The following TNKS2 variants were observed in gnomAD, a reference collection of about 807,000 sequenced individuals.
The protein encoded by TNKS2 is poly [ADP-ribose] polymerase tankyrase-2.
In TNKS2, 72 loss-of-function variants were observed where a neutral mutation model predicts 137.6. The ratio of observed to expected loss-of-function variants is 0.52; its 90% confidence interval spans 0.43 to 0.64. The LOEUF (loss-of-function observed/expected upper bound fraction) is 0.64, where lower values mean the gene tolerates loss of function less well. Among genes scored for constraint, TNKS2 ranks in the 30% least tolerant of loss-of-function variants. TNKS2 has a pLI of 0.00. For synonymous variants in TNKS2, 516 were observed against 512.1 expected, an observed-to-expected ratio of 1.01 and a Z score of -0.10; for missense variants, 1,049 against 1,410.2, an observed-to-expected ratio of 0.74 and a Z score of 4.10.
Position 91,827,002 on chromosome 10 carries a change from C to A in TNKS2, c.796-15C>A. The A allele has an allele frequency of 6.6e-7, 1 of 1,509,684 alleles. No individual in the cohort carries two copies. The highest frequency in any genetic ancestry group is 8.9e-7 in the Non-Finnish European group (1 of 1,126,996). The allele number at this position is 1,509,684 out of a possible 1,614,324, so 93.5% of individuals were successfully genotyped here. On this transcript the variant is annotated splice_polypyrimidine_tract_variant and intron_variant, in intron 7 of 26. Coordinates refer to ENST00000371627, the MANE Select transcript of TNKS2 (RefSeq NM_025235.4). ...TTAAAAATTGAACATTAAATATATG[C>A]TTTTTGCTCTCCAGCATGGTGCCTG... is the stretch of plus-strand genomic sequence containing the variant.
chr10:91,800,080 A>G (rs894020885), intron 1 of TNKS2, among the ~76,000 whole-genome samples: 9 of 152,210 alleles, frequency 5.9e-5, no homozygotes, highest in South Asian at 4.1e-4. Flanking sequence ...TTTTTGATCA[A>G]TTGCACCTTT....
At chr10:91,835,592 C>CTTTTTTTTTTTTT (rs35247985) in intron 12 of TNKS2, among the ~76,000 whole-genome samples, 1 of 109,426 alleles carries the variant, frequency 9.1e-6, no homozygotes, top group Non-Finnish European at 1.8e-5. Flanking sequence ...CCCGGCCTTT[C>CTTTTTTTTTTTTT]TTTTTTTTTT....
At chr10:91,814,893 G>T (rs879588758) in intron 2 of TNKS2, among the ~76,000 whole-genome samples, 5 of 152,182 alleles carry the variant, frequency 3.3e-5, no homozygotes, top group Non-Finnish European at 4.4e-5. Context: ...TGTATTTTAT[G>T]AAGAGTAATC....
chr10:91,834,285 G>C (rs1841926296), intron 12 of TNKS2, among the ~76,000 whole-genome samples: 3 of 152,160 alleles, frequency 2.0e-5, no homozygotes. Context: ...TATCGAGAAA[G>C]TTTTGAGAGT....
intron 19 of TNKS2, among the ~76,000 whole-genome samples, chr10:91,849,127 GC>G (rs1348503175): frequency 6.6e-6 from 1 of 152,106 alleles, no homozygotes; most frequent in South Asian, 2.1e-4. Flanking sequence ...GTGAGCCACC[GC>G]CCCCCGCCCT....
intron 1 of TNKS2, 70 bp downstream of exon 1, chr10:91,798,959 A>G: frequency 7.8e-7 from 1 of 1,287,928 alleles, no homozygotes; most frequent in South Asian, 2.5e-5. Flanking sequence ...ACAGGTCTGA[A>G]ACCAGTGCTC....
chr10:91,862,830 A>G, intron 26 of TNKS2, 107 bp from the exon 27 acceptor site: 2 of 707,072 alleles, frequency 2.8e-6, no homozygotes, highest in East Asian at 5.5e-5. Flanking sequence ...CTGATCTACA[A>G]CAGTAATTTA....
rs1293315588 is a variant in TNKS2, at chr10:91,836,969, G to T, written c.1498G>T (p.Ala500Ser). 6.2e-7 allele frequency: 1 copy of T among 1,613,160 alleles called. No individual in the cohort carries two copies. Among genetic ancestry groups the T allele is most frequent in the African/African-American group, 1.3e-5 (1 of 74,888 alleles). The stretch of plus-strand genomic sequence containing the variant: ...GGCAGACAGACAATTGCTGGAAGCT[G>T]CAAAGGCTGGAGATGTCGAAACTGT... ...SEADRQLLEA[A>S]KAGDVETVKK... The change falls in exon 13 of 27, where the codon GCA becomes TCA. Residue 500 changes from alanine to serine, a missense_variant. By Grantham distance (99) the Ala-to-Ser change is moderately conservative. Coordinates refer to ENST00000371627, the MANE Select transcript of TNKS2 (RefSeq NM_025235.4).
chr10:91,802,900 T>C (rs943601658), intron 1 of TNKS2, among the ~76,000 whole-genome samples: 2 of 152,382 alleles, frequency 1.3e-5, no homozygotes, highest in East Asian at 1.9e-4. Flanking sequence ...GAATTCATCA[T>C]CTTTCTTGAC....
At chr10:91,852,461 G>A (rs527768278) in intron 21 of TNKS2, among the ~76,000 whole-genome samples, 19 of 152,082 alleles carry the variant, frequency 1.2e-4, no homozygotes, top group African/African-American at 3.6e-4. Flanking sequence ...TCGGGAGGCC[G>A]AGGCAGGAGA....
At chr10:91,807,469 G>T in intron 1 of TNKS2, 1 of 1,600,958 alleles carries the variant, frequency 6.2e-7, no homozygotes, top group Non-Finnish European at 8.6e-7. Flanking sequence ...GTAAAGAGAA[G>T]CAAGGCCTCA....
intron 8 of TNKS2, among the ~76,000 whole-genome samples, chr10:91,827,532 T>C (rs765489206): frequency 5.3e-5 from 8 of 152,330 alleles, no homozygotes; most frequent in Non-Finnish European, 1.2e-4. Context: ...ATGAAGCTTA[T>C]GAATTTGTGA....
intron 9 of TNKS2, among the ~76,000 whole-genome samples, chr10:91,830,148 C>G (rs1356408765): frequency 6.6e-6 from 1 of 152,182 alleles, no homozygotes; most frequent in East Asian, 1.9e-4. Context: ...GATATAAATA[C>G]TGCTCAGCTG....
At chr10:91,836,850 C>T (rs1207631347) in intron 12 of TNKS2, 69 bp from the exon 13 acceptor site, 1 of 1,542,482 alleles carries the variant, frequency 6.5e-7, no homozygotes, top group Non-Finnish European at 8.7e-7. Flanking sequence ...GATGAGATGC[C>T]TTCCATAAAG....
intron 1 of TNKS2, among the ~76,000 whole-genome samples, chr10:91,811,845 G>A (rs2133598821): frequency 6.6e-6 from 1 of 152,272 alleles, no homozygotes; most frequent in South Asian, 2.1e-4. Flanking sequence ...GGATCATGAG[G>A]TCAGGAGATC....
intron 1 of TNKS2, among the ~76,000 whole-genome samples, chr10:91,802,964 G>A (rs76344249): frequency 0.026 from 3,950 of 152,274 alleles, 72 homozygotes; most frequent in Non-Finnish European, 0.039. Flanking sequence ...TTTGCCCTCA[G>A]CGCTTGCTGG....
Position 91,820,006 on chromosome 10 carries a change from G to A in TNKS2, c.701G>A (p.Gly234Glu). Residue 234 changes from glycine (G) to glutamate (E), a missense_variant, in exon 6 of 27, where the codon GGA (glycine) becomes GAA (glutamate). Physicochemically the swap from Gly to Glu is moderately conservative, Grantham distance 98 (BLOSUM62 -2). Around this residue, in one of 6 missense-constraint regions of TNKS2, gnomAD observed 374 missense variants for 460.8 expected, o/e 0.81. Transcript: ENST00000371627. ...ATTGTACAGCTGTTACTGCAACATGGAGCTGATGTCCATGCTAAAGATAAA... is the reference window on the plus strand; with the variant it reads ...ATTGTACAGCTGTTACTGCAACATGAAGCTGATGTCCATGCTAAAGATAAA... Reference protein sequence around the residue: ...VKIVQLLLQHGADVHAKDKGD... With the variant: ...VKIVQLLLQHEADVHAKDKGD... 1 of 1,591,600 alleles carries A rather than the reference G, an allele frequency of 6.3e-7. No homozygotes were observed. The highest frequency in any genetic ancestry group is 8.6e-7 in the Non-Finnish European group (1 of 1,169,190).
chr10:91,809,530 G>C (rs1001042898), intron 1 of TNKS2, among the ~76,000 whole-genome samples: 1 of 152,050 alleles, frequency 6.6e-6, no homozygotes, highest in Non-Finnish European at 1.5e-5. Context: ...GCTGGGCGTG[G>C]TGGCGGGCGC....
Position 91,827,055 on chromosome 10 carries a change from C to A in TNKS2, c.834C>A (p.Phe278Leu). ...ACVNAMDLWQ[F>L]TPLHEAASKN... Reference sequence around the variant, plus strand: ...TAAATGCAATGGACTTGTGGCAATTCACTCCTCTTCATGAGGCAGCTTCTA... The same window carrying A: ...TAAATGCAATGGACTTGTGGCAATTAACTCCTCTTCATGAGGCAGCTTCTA... The change falls in exon 8 of 27, where the codon TTC (phenylalanine) becomes TTA (leucine). Residue 278 changes from phenylalanine (F) to leucine (L), a missense_variant. Around this residue, in one of 6 missense-constraint regions of TNKS2, gnomAD observed 374 missense variants for 460.8 expected, o/e 0.81. Coordinates refer to ENST00000371627, the MANE Select transcript of TNKS2 (RefSeq NM_025235.4). 1 of 1,600,988 alleles carries A rather than the reference C, an allele frequency of 6.2e-7. No homozygotes were observed.
Sources: allele counts gnomAD v4.1 joint callset (sites outside exome capture counted in the v4.1 genomes callset), GRCh38; gene constraint gnomAD v4.1.1; regional missense constraint gnomAD v4.1.1; transcripts MANE v1.5; gene names NCBI Gene and HGNC (gene_info 2026-07-23, HGNC 2026-07-21).